LCLAT1: variants seen among roughly 807,000 people sequenced by gnomAD.
LCLAT1 encodes the protein 1-AGP acyltransferase 8.
LCLAT1 carries 11 observed loss-of-function variants against 30.7 expected under a neutral mutation model. The ratio of observed to expected loss-of-function variants is 0.36; its 90% CI spans 0.23 to 0.59. LCLAT1 has a LOEUF of 0.59. Among genes scored for constraint, LCLAT1 ranks in the 20% least tolerant of loss-of-function variants. The pLI is 0.77. For synonymous variants in LCLAT1, 155 were observed against 151.3 expected, an observed-to-expected ratio of 1.02 and a Z score of -0.18; for missense variants, 402 against 458.6, an observed-to-expected ratio of 0.88 and a Z score of 1.13.
chr2:30,478,105 C>T (rs1268528605), intron 1 of LCLAT1, among the ~76,000 whole-genome samples: 1 of 145,962 alleles, frequency 6.9e-6, no homozygotes, highest in African/African-American at 2.5e-5. Flanking sequence ...AAGCCAGTTA[C>T]AGAAGCATTT....
At chr2:30,478,254 AT>A (rs1683144488) in intron 1 of LCLAT1, among the ~76,000 whole-genome samples, 1 of 152,138 alleles carries the variant, frequency 6.6e-6, no homozygotes. Flanking sequence ...TTTCAGGTAC[AT>A]TTTTGTGAAG....
At chr2:30,481,861 AGG>A (rs1683339641) in intron 1 of LCLAT1, among the ~76,000 whole-genome samples, 1 of 152,202 alleles carries the variant, frequency 6.6e-6, no homozygotes, top group Admixed American at 6.5e-5. Context: ...CAGTAAGCCT[AGG>A]GGTTTGCATT....
chr2:30,499,220 C>T (rs753198086), intron 1 of LCLAT1, among the ~76,000 whole-genome samples: 1 of 152,126 alleles, frequency 6.6e-6, no homozygotes, highest in Non-Finnish European at 1.5e-5. Flanking sequence ...GCTCTTATCG[C>T]CCAGGCTGGA....
intron 1 of LCLAT1, among the ~76,000 whole-genome samples, chr2:30,519,494 G>C (rs1031087052): frequency 1.3e-5 from 2 of 152,134 alleles, no homozygotes; most frequent in African/African-American, 4.8e-5. Flanking sequence ...CCTGTTGAGA[G>C]GGGGGACTGA....
intron 5 of LCLAT1, among the ~76,000 whole-genome samples, chr2:30,638,822 G>A (rs776353756): frequency 3.3e-4 from 30 of 92,130 alleles, no homozygotes; most frequent in East Asian, 8.1e-4. Flanking sequence ...TGTCACATCC[G>A]TCTCCCACAT....
intron 2 of LCLAT1, among the ~76,000 whole-genome samples, chr2:30,529,932 C>T (rs528121484): frequency 6.6e-6 from 1 of 152,148 alleles, no homozygotes; most frequent in East Asian, 1.9e-4. Context: ...AAAGATCCAT[C>T]AGAATGATAA....
chr2:30,639,379 C>T (rs528758273), intron 5 of LCLAT1, among the ~76,000 whole-genome samples: 204 of 19,266 alleles, frequency 0.011, no homozygotes, highest in African/African-American at 0.098. Flanking sequence ...AGCACTCTGG[C>T]CTGTTTAAGT....
At chr2:30,470,576 T>TA (rs1682727374) in intron 1 of LCLAT1, among the ~76,000 whole-genome samples, 1 of 152,250 alleles carries the variant, frequency 6.6e-6, no homozygotes. Flanking sequence ...CTTATGAGGT[T>TA]AGAAGCAAGA....
At chr2:30,545,285 A>G (rs538713284) in intron 3 of LCLAT1, among the ~76,000 whole-genome samples, 1 of 152,252 alleles carries the variant, frequency 6.6e-6, no homozygotes, top group East Asian at 1.9e-4. Context: ...GTTTGAGACT[A>G]TACCAGTTTT....
intron 5 of LCLAT1, among the ~76,000 whole-genome samples, chr2:30,624,237 A>G (rs1668401307): frequency 6.6e-6 from 1 of 152,230 alleles, no homozygotes; most frequent in Non-Finnish European, 1.5e-5. Flanking sequence ...GGCAACAACT[A>G]GCACAATGAA....
At chr2:30,465,816 G>C (rs10169512) in intron 1 of LCLAT1, among the ~76,000 whole-genome samples, 19,252 of 152,088 alleles carry the variant, frequency 0.13, 1,355 homozygotes, top group South Asian at 0.23. Flanking sequence ...ACAATAAAGT[G>C]TATTTATTTC....
intron 5 of LCLAT1, among the ~76,000 whole-genome samples, chr2:30,598,642 C>T (rs993302608): frequency 3.0e-4 from 46 of 152,038 alleles, no homozygotes; most frequent in African/African-American, 1.1e-3. Context: ...TTTTTCATAT[C>T]TCTGTGTCCT....
intron 5 of LCLAT1, among the ~76,000 whole-genome samples, chr2:30,600,269 T>C (rs1039739380): frequency 8.5e-5 from 13 of 152,180 alleles, no homozygotes; most frequent in African/African-American, 3.1e-4. Context: ...CCTGAATGAC[T>C]CCTGGGTAAA....
intron 1 of LCLAT1, among the ~76,000 whole-genome samples, chr2:30,489,413 C>T (rs1486556213): frequency 6.6e-6 from 1 of 151,636 alleles, no homozygotes; most frequent in Admixed American, 6.6e-5. Context: ...AGTGCAGTGG[C>T]GCGATCTCGG....
chr2:30,546,213 C>A (rs1664402597), intron 3 of LCLAT1, among the ~76,000 whole-genome samples: 1 of 152,074 alleles, frequency 6.6e-6, no homozygotes, highest in African/African-American at 2.4e-5. Flanking sequence ...TGTAGAAGTT[C>A]CTGTAGTGGG....
At chr2:30,578,603 C>T (rs1332667118) in intron 5 of LCLAT1, among the ~76,000 whole-genome samples, 1 of 152,132 alleles carries the variant, frequency 6.6e-6, no homozygotes, top group Non-Finnish European at 1.5e-5. Flanking sequence ...AGTTGTCACT[C>T]ATTGGTAGCA....
At chr2:30,453,503 T>G (rs191579459) in intron 1 of LCLAT1, among the ~76,000 whole-genome samples, 91 of 152,338 alleles carry the variant, frequency 6.0e-4, no homozygotes, top group African/African-American at 1.8e-3. Flanking sequence ...AATTTACCTG[T>G]GTAGAGTTAG....
At chr2:30,583,049 T>C (rs1404221833) in intron 5 of LCLAT1, among the ~76,000 whole-genome samples, 1 of 152,270 alleles carries the variant, frequency 6.6e-6, no homozygotes, top group Non-Finnish European at 1.5e-5. Flanking sequence ...TTTTATTTTA[T>C]ACTCTAATTA....
At chr2:30,572,287 T>G (rs192609801) in intron 5 of LCLAT1, among the ~76,000 whole-genome samples, 1 of 152,342 alleles carries the variant, frequency 6.6e-6, no homozygotes, top group East Asian at 1.9e-4. Context: ...ATAGAAGCCC[T>G]ATCTATGTAC....
Sources: gnomAD v4.1 joint callset for allele counts (sites outside exome capture counted in the v4.1 genomes callset) on GRCh38, gnomAD v4.1.1 for gene constraint, MANE v1.5 for transcripts, NCBI Gene and HGNC (gene_info 2026-07-23, HGNC 2026-07-21) for gene names.